TRIM39: variants seen among roughly 807,000 people sequenced by gnomAD.
TRIM39 encodes the protein E3 ubiquitin-protein ligase TRIM39.
TRIM39 carries 5 observed loss-of-function variants against 53.6 expected under a neutral mutation model. That is an observed-to-expected ratio of 0.09 (90% CI 0.05 to 0.20). TRIM39 has a LOEUF of 0.20. Ranked by LOEUF, TRIM39 falls within the 10% of genes least tolerant of loss-of-function variation. The probability of loss-of-function intolerance (pLI) is 1.00; values close to 1 mark genes in which losing one functional copy is unlikely to be tolerated. For missense variants in TRIM39, 310 were observed against 621.0 expected, an observed-to-expected ratio of 0.50 and a Z score of 5.32; for synonymous variants, 196 against 237.6, an observed-to-expected ratio of 0.82 and a Z score of 1.61.
Position 30,335,706 on chromosome 6 carries a change from A to G in TRIM39, c.550-39A>G. 1.9e-6 allele frequency: 3 copies of G among 1,602,660 alleles called. No homozygotes were observed. The highest frequency in any genetic ancestry group is 2.6e-6 in the Non-Finnish European group (3 of 1,174,862). On this transcript the variant is annotated intron_variant, in intron 4 of 7. Coordinates refer to ENST00000396551, the Ensembl canonical transcript of TRIM39. This position sits in a 1 kb window ranked among gnomAD's most constrained non-coding sequence, Gnocchi z 4.7. ...TGAGAGAAAGGCTTCCTTATACCAC[A>G]CTGACCCTGCTGATACAACATCTTC...
chr6:30,336,513 G>A (rs1478045919), intron 5 of TRIM39, among the ~76,000 whole-genome samples: 4 of 152,218 alleles, frequency 2.6e-5, no homozygotes, highest in Admixed American at 1.3e-4. Context: ...TTGACTGATC[G>A]AGGTGGTGGT....
At chr6:30,337,192 C>T (rs567720719) in intron 5 of TRIM39, among the ~76,000 whole-genome samples, 1 of 152,102 alleles carries the variant, frequency 6.6e-6, no homozygotes, top group African/African-American at 2.4e-5. Context: ...CACCTGAGGT[C>T]AGGAGTTTGA....
At chr6:30,329,226 G>A (rs1785815739) in intron 2 of TRIM39, 85 bp from the exon 3 acceptor site, 1 of 1,435,944 alleles carries the variant, frequency 7.0e-7, no homozygotes, top group South Asian at 1.4e-5. Flanking sequence ...AGGGATAAAT[G>A]TCGGGTCAGG....
In TRIM39 at chr6:30,339,068, G is replaced by A. The variant is rs570403444; in HGVS notation, c.781-840G>A. On this transcript the variant is annotated intron_variant, in intron 5 of 7. Coordinates refer to ENST00000396551, the Ensembl canonical transcript of TRIM39. The surrounding 1 kb of genome is among the most constrained non-coding windows in gnomAD (Gnocchi z 4.2). ...CCATATTAAACTGGGAAATCCTTGT[G>A]GGACAGAGATTTGTCTTCTTTGTCT... Among the ~76,000 whole-genome samples, 107 of 152,108 alleles carry A rather than the reference G, an allele frequency of 7.0e-4. 1 individual carries two copies. The highest frequency in any genetic ancestry group is 6.9e-3 in the Admixed American group (106 of 15,292).
At chr6:30,336,315 A>G (rs932130056) in intron 5 of TRIM39, among the ~76,000 whole-genome samples, 3 of 152,226 alleles carry the variant, frequency 2.0e-5, no homozygotes, top group African/African-American at 7.2e-5. Flanking sequence ...AAGTCCTGAA[A>G]TTTGATTTAT....
At chr6:30,340,185 A>C in intron 6 of TRIM39, 1 of 1,225,818 alleles carries the variant, frequency 8.2e-7, no homozygotes, top group Non-Finnish European at 1.2e-6. Context: ...TACTTGTGCC[A>C]GTGGGTGGAA....
intron 7 of TRIM39, 58 bp from the exon 8 acceptor site, chr6:30,341,653 CA>C: frequency 6.5e-7 from 1 of 1,540,008 alleles, no homozygotes; most frequent in Non-Finnish European, 8.7e-7. Context: ...AAGAGTGAGG[CA>C]GGGGCATTTA....
exon 3 of TRIM39, chr6:30,329,567 C>G: frequency 6.2e-7 from 1 of 1,613,110 alleles, no homozygotes; most frequent in Non-Finnish European, 8.5e-7. Flanking sequence ...TAATCGGCAA[C>G]TAGGCAGTAT....
intron 7 of TRIM39, 115 bp from the exon 8 acceptor site, chr6:30,341,597 T>C (rs1429554744): frequency 1.4e-6 from 2 of 1,444,258 alleles, no homozygotes; most frequent in East Asian, 5.0e-5. Context: ...CAAACCAGGT[T>C]GTTCTGGGGA....
chr6:30,331,451 G>A (rs1236646911), intron 4 of TRIM39, among the ~76,000 whole-genome samples: 1 of 152,220 alleles, frequency 6.6e-6, no homozygotes, highest in Non-Finnish European at 1.5e-5. Context: ...TGAGCTGAGA[G>A]AGTTCGTGCC....
chr6:30,334,166 G>A (rs1052620726), intron 4 of TRIM39, among the ~76,000 whole-genome samples: 6 of 152,146 alleles, frequency 3.9e-5, no homozygotes, highest in African/African-American at 1.2e-4. Flanking sequence ...CAAATGCCAC[G>A]CTTGTCAGGC....
Position 30,335,790 on chromosome 6 carries a change from G to C in TRIM39, c.595G>C (p.Glu199Gln), listed in dbSNP as rs760707686. Residue 199 changes from glutamate (E) to glutamine (Q), a missense_variant, in exon 5 of 8, where the codon GAG becomes CAG. Physicochemically the swap from Glu to Gln is conservative, Grantham distance 29. Coordinates refer to ENST00000396551, the Ensembl canonical transcript of TRIM39. This position sits in a 1 kb window ranked among gnomAD's most constrained non-coding sequence, Gnocchi z 4.7. ...ACAGCAGATCTTGAGGGAGTTTGAA[G>C]AGCTTCATAGGCGGCTGGATGAAGA... The C allele has an allele frequency of 6.2e-7, 1 of 1,613,076 alleles. No homozygotes were observed. Among genetic ancestry groups the C allele is most frequent in the East Asian group, 2.2e-5 (1 of 44,888 alleles).
chr6:30,341,772 A>G, exon 8 of TRIM39: 1 of 1,613,000 alleles, frequency 6.2e-7, no homozygotes, highest in Non-Finnish European at 8.5e-7. Flanking sequence ...GAGGATCGTA[A>G]GAGCGTCAAG....
At chr6:30,329,390 G>A (rs1311125683) in exon 3 of TRIM39, 1 of 1,612,974 alleles carries the variant, frequency 6.2e-7, no homozygotes. Context: ...GAACTTACAG[G>A]TGGAGGCGAG....
At chr6:30,328,434 C>T (rs1437653231) in intron 1 of TRIM39, among the ~76,000 whole-genome samples, 1 of 152,218 alleles carries the variant, frequency 6.6e-6, no homozygotes, top group African/African-American at 2.4e-5. Context: ...TTCCTTTAGG[C>T]TAGTCTGATG....
chr6:30,330,764 T>G lies in TRIM39; in HGVS notation c.454-17T>G, dbSNP rs755581896. The G allele has an allele frequency of 1.9e-6, 3 of 1,613,700 alleles. No homozygotes were observed. Among genetic ancestry groups the G allele is most frequent in the African/African-American group, 1.3e-5 (1 of 74,984 alleles). On this transcript the variant is annotated splice_polypyrimidine_tract_variant and intron_variant, in intron 3 of 7. Transcript: ENST00000396551. ...AACCCCAAATGTCACCTCTCCCACT[T>G]CCTCCCTACCCCTCAGGAAAAACTG...
chr6:30,342,181 C>G lies in TRIM39; in HGVS notation c.1389C>G (p.Pro463=). The change falls in exon 8 of 8, where the codon CCC becomes CCG. Residue 463 remains proline (P), a synonymous_variant. Coordinates refer to ENST00000396551, the Ensembl canonical transcript of TRIM39. This position sits in a 1 kb window ranked among gnomAD's most constrained non-coding sequence, Gnocchi z 4.7. ...ATACTTTTACTGAGAAACTTTGGCC[C>G]CTCTTCTACCCAGGCATCCGGGCTG... 1 of 1,613,020 alleles carries G rather than the reference C, an allele frequency of 6.2e-7. No individual in the cohort carries two copies. The highest frequency in any genetic ancestry group is 8.5e-7 in the Non-Finnish European group (1 of 1,180,022).
intron 1 of TRIM39, 80 bp downstream of exon 1, chr6:30,327,075 C>G (rs1037947464): frequency 6.6e-6 from 1 of 152,070 alleles, no homozygotes; most frequent in Non-Finnish European, 1.5e-5. Context: ...CCCAGCGCCC[C>G]GCGACTGCGT....
intron 5 of TRIM39, among the ~76,000 whole-genome samples, chr6:30,337,076 CT>C (rs1786953216): frequency 1.3e-5 from 2 of 152,116 alleles, no homozygotes; most frequent in Non-Finnish European, 2.9e-5. Flanking sequence ...TGAAAGGAAT[CT>C]TTTTTTCTGA....
Sources: allele counts gnomAD v4.1 joint callset (sites outside exome capture counted in the v4.1 genomes callset), GRCh38; gene constraint gnomAD v4.1.1; non-coding constraint Gnocchi (gnomAD v3.1); transcripts MANE v1.5; gene names NCBI Gene and HGNC (gene_info 2026-07-23, HGNC 2026-07-21).